The following GHR variants were observed in gnomAD, a reference collection of about 807,000 sequenced individuals.
The protein encoded by GHR is GH receptor.
Under a neutral mutation model 67.1 loss-of-function variants are expected in GHR, and 35 were observed. The ratio of observed to expected loss-of-function variants is 0.52; its 90% confidence interval spans 0.40 to 0.69. The LOEUF (loss-of-function observed/expected upper bound fraction) is 0.69. GHR is among the 30% of genes least tolerant of loss of function. GHR has a pLI of 0.00. For missense variants in GHR, 792 were observed against 764.6 expected (o/e 1.04, Z -0.42); for synonymous variants, 272 against 269.1 (o/e 1.01, Z -0.10).
At chr5:42,669,398 C>T (rs1756160250) in intron 3 of GHR, among the ~76,000 whole-genome samples, 1 of 152,098 alleles carries the variant, frequency 6.6e-6, no homozygotes, top group Non-Finnish European at 1.5e-5. Context: ...AGATAGAAAA[C>T]AAAGTTTCAT....
At chr5:42,657,591 G>C (rs1755323982) in intron 3 of GHR, among the ~76,000 whole-genome samples, 1 of 152,090 alleles carries the variant, frequency 6.6e-6, no homozygotes. Context: ...ATATGCACCT[G>C]ACCTCTTCTC....
intron 7 of GHR, among the ~76,000 whole-genome samples, chr5:42,711,942 C>T (rs1219209330): frequency 6.6e-6 from 1 of 151,944 alleles, no homozygotes; most frequent in Non-Finnish European, 1.5e-5. Flanking sequence ...TTTGAAAACC[C>T]TATGTAGGAG....
rs35879777 is a variant in GHR, at chr5:42,601,618, A to G, written c.71-27420A>G. 2.6e-5 allele frequency among the ~76,000 whole-genome samples: 4 copies of G among 152,314 alleles called. No individual in the cohort carries two copies. The East Asian group carries it at 7.7e-4, about 29-fold the overall frequency. On this transcript the variant is annotated intron_variant, in intron 2 of 9. Transcript: ENST00000230882. The stretch of plus-strand genomic sequence containing the variant: ...TTTCCAAATTCTTATTAAAGCATTA[A>G]TGCAAATGGAATTTTCCTACTAGTA...
intron 1 of GHR, among the ~76,000 whole-genome samples, chr5:42,543,653 T>C (rs1267914819): frequency 5.9e-5 from 9 of 152,214 alleles, no homozygotes; most frequent in Non-Finnish European, 1.3e-4. Context: ...TTAAAGATTT[T>C]TCTGTATCTT....
chr5:42,575,731 TAAA>T (rs34968925), intron 2 of GHR, among the ~76,000 whole-genome samples: 3 of 139,350 alleles, frequency 2.2e-5, no homozygotes, highest in African/African-American at 2.6e-5. Flanking sequence ...AGCCTGCATG[TAAA>T]AAAAAAAAAG....
chr5:42,539,928 C>G (rs1175725047), intron 1 of GHR, among the ~76,000 whole-genome samples: 2 of 152,120 alleles, frequency 1.3e-5, no homozygotes, highest in African/African-American at 4.8e-5. Flanking sequence ...ATTAAGTACG[C>G]TATTAAGTAC....
chr5:42,652,335 A>T (rs963472348), intron 3 of GHR, among the ~76,000 whole-genome samples: 4 of 152,062 alleles, frequency 2.6e-5, no homozygotes, highest in African/African-American at 9.7e-5. Flanking sequence ...GTATGGCTAG[A>T]AGTCAGATAG....
At chr5:42,706,824 C>G (rs1313861892) in intron 6 of GHR, among the ~76,000 whole-genome samples, 1 of 151,942 alleles carries the variant, frequency 6.6e-6, no homozygotes, top group Non-Finnish European at 1.5e-5. Context: ...TAATGTGATG[C>G]CCCTGGGTTT....
chr5:42,642,809 T>C (rs1233428208), intron 3 of GHR, among the ~76,000 whole-genome samples: 4 of 152,166 alleles, frequency 2.6e-5, no homozygotes, highest in Non-Finnish European at 4.4e-5. Flanking sequence ...TTCTGGAGGC[T>C]CTGAGGAAAT....
chr5:42,546,792 A>G (rs1561111850), intron 1 of GHR, among the ~76,000 whole-genome samples: 1 of 152,230 alleles, frequency 6.6e-6, no homozygotes, highest in East Asian at 1.9e-4. Context: ...GAGTGTTAAG[A>G]GGCCATTCTC....
chr5:42,520,833 T>A (rs1412194745), intron 1 of GHR, among the ~76,000 whole-genome samples: 1 of 152,112 alleles, frequency 6.6e-6, no homozygotes, highest in Non-Finnish European at 1.5e-5. Flanking sequence ...ATAGCAGGCT[T>A]CTTTTTGTCA....
intron 2 of GHR, among the ~76,000 whole-genome samples, chr5:42,617,067 C>G (rs956526876): frequency 6.6e-6 from 1 of 151,814 alleles, no homozygotes; most frequent in Non-Finnish European, 1.5e-5. Flanking sequence ...TTCCTGGGAG[C>G]GCAACCCCTA....
chr5:42,612,025 T>C (rs1752915184), intron 2 of GHR, among the ~76,000 whole-genome samples: 1 of 152,192 alleles, frequency 6.6e-6, no homozygotes, highest in African/African-American at 2.4e-5. Context: ...TATCAGATTA[T>C]ATGATTTTGG....
rs576338381 is a variant in GHR, at chr5:42,640,685, T to C, written c.136+11582T>C. The stretch of plus-strand genomic sequence containing the variant: ...CCAGAGAAGGCCTATACAGCCAAAT[T>C]TGGAAAAAAAATAAATTTAAAAATA... On this transcript the variant is annotated intron_variant, in intron 3 of 9. Coordinates refer to ENST00000230882, the MANE Select transcript of GHR (RefSeq NM_000163.5). 4.6e-5 allele frequency among the ~76,000 whole-genome samples: 7 copies of C among 152,100 alleles called. No individual in the cohort carries two copies. In the East Asian group the frequency reaches 1.2e-3, roughly 25 times the overall value.
In GHR at chr5:42,654,307, T is replaced by C. The variant is rs988906018; in HGVS notation, c.136+25204T>C. The stretch of plus-strand genomic sequence containing the variant: ...CTTGAGCATTAAACGTCTCTATTTA[T>C]GGAACATAGTTTCACATAGTAACTG... On this transcript the variant is annotated intron_variant, in intron 3 of 9. Coordinates refer to ENST00000230882, the MANE Select transcript of GHR (RefSeq NM_000163.5). 5.3e-5 allele frequency among the ~76,000 whole-genome samples: 8 copies of C among 152,296 alleles called. No homozygotes were observed. The East Asian group carries it at 9.6e-4, about 18-fold the overall frequency.
At chr5:42,474,760 C>T (rs1397946223) in intron 1 of GHR, among the ~76,000 whole-genome samples, 1 of 151,474 alleles carries the variant, frequency 6.6e-6, no homozygotes, top group East Asian at 1.9e-4. Flanking sequence ...GGGTAGTTTT[C>T]TAAAGAGTAA....
chr5:42,428,750 T>G (rs908616475), intron 1 of GHR, among the ~76,000 whole-genome samples: 4 of 152,160 alleles, frequency 2.6e-5, no homozygotes, highest in African/African-American at 9.7e-5. Flanking sequence ...TTGCTCCAGT[T>G]CCCAACAAGT....
At chr5:42,436,896 G>A (rs866270281) in intron 1 of GHR, among the ~76,000 whole-genome samples, 17 of 152,256 alleles carry the variant, frequency 1.1e-4, no homozygotes, top group African/African-American at 3.9e-4. Context: ...TTTGGCTCTG[G>A]GAAGATAAAC....
intron 1 of GHR, among the ~76,000 whole-genome samples, chr5:42,446,928 T>A (rs542134343): frequency 1.3e-5 from 2 of 152,216 alleles, no homozygotes; most frequent in Non-Finnish European, 2.9e-5. Flanking sequence ...TTATTAGTGT[T>A]GGCAAGGGTT....
Sources: allele counts gnomAD v4.1 joint callset (sites outside exome capture counted in the v4.1 genomes callset), GRCh38; gene constraint gnomAD v4.1.1; transcripts MANE v1.5; gene names NCBI Gene and HGNC (gene_info 2026-07-23, HGNC 2026-07-21).